CCDC7: variants seen among roughly 807,000 people sequenced by gnomAD.
The protein encoded by CCDC7 is coiled-coil domain-containing protein 7.
CCDC7 carries 183 observed loss-of-function variants against 196.9 expected under a neutral mutation model. The ratio of observed to expected loss-of-function variants is 0.93; its 90% CI spans 0.82 to 1.05. The LOEUF (loss-of-function observed/expected upper bound fraction) is 1.05. Ranked by LOEUF, CCDC7 falls within the 50% of genes least tolerant of loss-of-function variation. The probability of loss-of-function intolerance (pLI) is 0.00; values close to 1 mark genes in which losing one functional copy is unlikely to be tolerated. For synonymous variants in CCDC7, 525 were observed against 484.6 expected, an observed-to-expected ratio of 1.08 and a Z score of -1.10; for missense variants, 1,540 against 1,482.2, an observed-to-expected ratio of 1.04 and a Z score of -0.64.
At position 32,857,812 on chromosome 10, in the gene CCDC7, A is replaced by G. The variant is rs1031018784; in HGVS notation, c.4111+3323A>G. ...AAATCGAATAGAGAATAGAAAAACT[A>G]TAGAAAAAAAAATCAATAAAACCAA... On this transcript the variant is annotated intron_variant, in intron 41 of 41. Transcript: ENST00000639629. Among the ~76,000 whole-genome samples the G allele has an allele frequency of 4.6e-5, 7 of 151,932 alleles. No individual in the cohort carries two copies. The East Asian group carries it at 7.7e-4, about 17-fold the overall frequency.
intron 13 of CCDC7, among the ~76,000 whole-genome samples, chr10:32,553,611 C>A (rs1415940321): frequency 6.6e-6 from 1 of 152,032 alleles, no homozygotes; most frequent in Non-Finnish European, 1.5e-5. Flanking sequence ...TGGGGTGTTC[C>A]CTTGATGTAG....
intron 2 of CCDC7, among the ~76,000 whole-genome samples, chr10:32,455,369 C>A (rs2034104213): frequency 6.6e-6 from 1 of 151,912 alleles, no homozygotes; most frequent in South Asian, 2.1e-4. Context: ...GGCTGGAGTG[C>A]AGTGGTGTGA....
rs35122018 is a variant in CCDC7, at chr10:32,789,096, C to CTT, written c.3013+10028_3013+10029dup. ...TCTGGTTGAGCTGAACGGTAAAGGG[C>CTT]TTTTTTTTTTTTTTTTTGCCAAGGC... is the stretch of plus-strand genomic sequence containing the variant. On this transcript the variant is annotated intron_variant, in intron 29 of 41. Coordinates refer to ENST00000639629, the Ensembl canonical transcript of CCDC7. 8.0e-3 allele frequency among the ~76,000 whole-genome samples: 1,003 copies of CTT among 124,702 alleles called. 7 individuals are homozygous for CTT. Among genetic ancestry groups the CTT allele is most frequent in the Non-Finnish European group, 0.012 (709 of 61,066 alleles). 81.8% of individuals were successfully genotyped at this position (124,702 alleles called of 152,430 possible).
In CCDC7 at chr10:32,677,403, T is replaced by C. The variant is rs543236019; in HGVS notation, c.2123-8567T>C. Among the ~76,000 whole-genome samples the C allele has an allele frequency of 3.3e-5, 5 of 152,204 alleles. No individual in the cohort carries two copies. The South Asian group carries it at 1.0e-3, about 31-fold the overall frequency. Reference sequence around the variant, plus strand: ...AAAGAATTCCCTTTATCACTCCTTGTAAGGCTGGTCTAGTGTTGATTAACT... The same window carrying C: ...AAAGAATTCCCTTTATCACTCCTTGCAAGGCTGGTCTAGTGTTGATTAACT... On this transcript the variant is annotated intron_variant, in intron 21 of 41. Transcript: ENST00000639629.
At chr10:32,719,439 C>T (rs1196967167) in intron 25 of CCDC7, among the ~76,000 whole-genome samples, 1 of 152,142 alleles carries the variant, frequency 6.6e-6, no homozygotes, top group Non-Finnish European at 1.5e-5. Flanking sequence ...AAAACCTAGG[C>T]AATACCATTC....
intron 21 of CCDC7, among the ~76,000 whole-genome samples, chr10:32,677,758 T>C (rs1018160970): frequency 6.6e-6 from 1 of 151,678 alleles, no homozygotes; most frequent in African/African-American, 2.4e-5. Flanking sequence ...CTCCTCAGAT[T>C]TGAAAAAACT....
intron 5 of CCDC7, among the ~76,000 whole-genome samples, chr10:32,465,969 C>G (rs1238892065): frequency 1.3e-5 from 2 of 152,158 alleles, no homozygotes; most frequent in Non-Finnish European, 2.9e-5. Flanking sequence ...ATCCACAAGT[C>G]CTCTGGGTTT....
chr10:32,709,443 C>A (rs111850272), intron 24 of CCDC7, among the ~76,000 whole-genome samples: 1 of 152,036 alleles, frequency 6.6e-6, no homozygotes, highest in East Asian at 1.9e-4. Context: ...ACGTTATGCA[C>A]ATGTACCCTA....
chr10:32,702,504 G>T (rs562194697), intron 24 of CCDC7, among the ~76,000 whole-genome samples: 1 of 152,278 alleles, frequency 6.6e-6, no homozygotes, highest in Admixed American at 6.5e-5. Flanking sequence ...CTGTTGATTT[G>T]GGGTGGAGAG....
chr10:32,534,528 G>A (rs1340284002), intron 11 of CCDC7, among the ~76,000 whole-genome samples: 1 of 151,760 alleles, frequency 6.6e-6, no homozygotes, highest in Non-Finnish European at 1.5e-5. Context: ...TCTCGTTCTG[G>A]AAAAAAATGG....
At chr10:32,768,454 A>G (rs1218745684) in intron 28 of CCDC7, among the ~76,000 whole-genome samples, 1 of 152,174 alleles carries the variant, frequency 6.6e-6, no homozygotes, top group African/African-American at 2.4e-5. Flanking sequence ...ATATTAGATC[A>G]TATTATCAGT....
chr10:32,664,217 G>A lies in CCDC7; in HGVS notation c.2122+56G>A, dbSNP rs532727924. ...ATAATTTAAGATTTATTTTTAATTGGCAAGTAAAAATTATATACATTCATC... is the reference window on the plus strand; with the variant it reads ...ATAATTTAAGATTTATTTTTAATTGACAAGTAAAAATTATATACATTCATC... On this transcript the variant is annotated intron_variant, in intron 21 of 41. Transcript: ENST00000639629. 110 of 385,580 alleles carry A rather than the reference G, an allele frequency of 2.9e-4. 1 individual carries two copies. In the South Asian group the frequency reaches 0.013, roughly 47 times the overall value. 23.9% of individuals were successfully genotyped at this position (385,580 alleles called of 1,614,324 possible). A position where few individuals can be genotyped will look rare whatever the true frequency, so the allele number is the denominator to read the frequency against.
chr10:32,699,918 A>G (rs2078379457), intron 24 of CCDC7, among the ~76,000 whole-genome samples: 1 of 148,986 alleles, frequency 6.7e-6, no homozygotes, highest in African/African-American at 2.6e-5. Context: ...TTTTTCTTGT[A>G]AATTTGTTTG....
intron 11 of CCDC7, among the ~76,000 whole-genome samples, chr10:32,519,373 A>G (rs2047532975): frequency 6.6e-6 from 1 of 152,148 alleles, no homozygotes; most frequent in African/African-American, 2.4e-5. Context: ...AGCTTCTTAG[A>G]TGGCTTGAGG....
At chr10:32,753,989 T>C (rs1363412897) in intron 28 of CCDC7, among the ~76,000 whole-genome samples, 2 of 152,088 alleles carry the variant, frequency 1.3e-5, no homozygotes, top group South Asian at 2.1e-4. Context: ...AATATCCCAA[T>C]ACCATGTTTC....
intron 21 of CCDC7, among the ~76,000 whole-genome samples, chr10:32,684,216 C>T (rs943888508): frequency 6.6e-6 from 1 of 152,138 alleles, no homozygotes; most frequent in African/African-American, 2.4e-5. Context: ...GGCCCTTATC[C>T]TGGGGCGCAT....
chr10:32,843,070 C>G (rs981188496), intron 33 of CCDC7, among the ~76,000 whole-genome samples: 1 of 151,522 alleles, frequency 6.6e-6, no homozygotes, highest in Non-Finnish European at 1.5e-5. Flanking sequence ...ACCACCTGTT[C>G]CCCAAAAACC....
At chr10:32,607,639 T>C (rs1298976573) in intron 18 of CCDC7, among the ~76,000 whole-genome samples, 2 of 152,218 alleles carry the variant, frequency 1.3e-5, no homozygotes, top group Non-Finnish European at 2.9e-5. Context: ...TATTGATTTG[T>C]GGACATTGAA....
chr10:32,446,382 C>G (rs1360460637), exon 1 of CCDC7: 1 of 152,324 alleles, frequency 6.6e-6, no homozygotes, highest in African/African-American at 2.4e-5. Context: ...CACCCGACTT[C>G]CCACAGTCTC....
Sources: allele counts gnomAD v4.1 joint callset (sites outside exome capture counted in the v4.1 genomes callset), GRCh38; gene constraint gnomAD v4.1.1; transcripts MANE v1.5; gene names NCBI Gene and HGNC (gene_info 2026-07-23, HGNC 2026-07-21).